OPHN1: variants seen among roughly 807,000 people sequenced by gnomAD.
The protein encoded by OPHN1 is oligophrenin 1, also known as oligophrenin-1.
A neutral mutation model predicts 60.7 loss-of-function variants in OPHN1; 11 were observed. That is an observed-to-expected ratio of 0.18 (90% CI 0.11 to 0.30). The LOEUF (loss-of-function observed/expected upper bound fraction) is 0.30. Among genes scored for constraint, OPHN1 ranks in the 10% least tolerant of loss-of-function variants. The pLI, the probability that OPHN1 is intolerant of heterozygous loss-of-function variation, is 1.00. For missense variants in OPHN1, 449 were observed against 611.0 expected, an observed-to-expected ratio of 0.73 and a Z score of 2.80; for synonymous variants, 226 against 222.6, an observed-to-expected ratio of 1.02 and a Z score of -0.14.
intron 15 of OPHN1, among the ~76,000 whole-genome samples, chrX:68,152,293 A>G (rs2077288287): frequency 9.1e-6 from 1 of 110,063 alleles, no homozygotes. Context: ...TTCTTTCCCA[A>G]ATTGACAAAG....
chrX:68,312,884 T>A (rs928586100), intron 2 of OPHN1, among the ~76,000 whole-genome samples: 4 of 111,112 alleles, frequency 3.6e-5, no homozygotes, highest in African/African-American at 1.3e-4. Context: ...GGCAGGAGGA[T>A]TACTTGAGTC....
chrX:68,199,336 T>C (rs1299211460), intron 11 of OPHN1, among the ~76,000 whole-genome samples: 2 of 110,093 alleles, frequency 1.8e-5, no homozygotes, highest in East Asian at 5.7e-4. Flanking sequence ...GTCCCATAGC[T>C]ATAAAAAATA....
intron 11 of OPHN1, among the ~76,000 whole-genome samples, chrX:68,199,797 A>G (rs2077527000): frequency 1.8e-5 from 2 of 113,046 alleles, no homozygotes; most frequent in African/African-American, 6.4e-5. Context: ...ATAGTGGCTC[A>G]CGCCTATAAT....
intron 5 of OPHN1, among the ~76,000 whole-genome samples, chrX:68,272,287 T>G (rs1470371723): frequency 9.0e-6 from 1 of 111,392 alleles, no homozygotes; most frequent in South Asian, 3.8e-4. Flanking sequence ...TGAAAAAAGA[T>G]AGATACATAT....
At chrX:68,358,128 TA>T (rs759439859) in intron 2 of OPHN1, among the ~76,000 whole-genome samples, 119 of 91,039 alleles carry the variant, frequency 1.3e-3, no homozygotes, top group South Asian at 9.6e-3. Flanking sequence ...CCATCTCTAC[TA>T]AAAAAAAAAA....
chrX:68,078,637 C>A (rs746215439), intron 19 of OPHN1, among the ~76,000 whole-genome samples: 2 of 110,729 alleles, frequency 1.8e-5, no homozygotes, highest in African/African-American at 3.3e-5. Flanking sequence ...CCATAGACAC[C>A]CTCCCTCACA....
intron 15 of OPHN1, among the ~76,000 whole-genome samples, chrX:68,190,491 T>A (rs1353698165): frequency 8.9e-6 from 1 of 112,164 alleles, no homozygotes. Flanking sequence ...ATCTAGAACT[T>A]CCTGGTCTAT....
intron 3 of OPHN1, among the ~76,000 whole-genome samples, chrX:68,290,619 G>A (rs749424885): frequency 0.012 from 1,301 of 107,150 alleles, 18 homozygotes; most frequent in African/African-American, 0.042. Flanking sequence ...GAAAGAAAGG[G>A]AAAAAAAAGC....
At chrX:68,379,811 G>A (rs1336100382) in intron 2 of OPHN1, among the ~76,000 whole-genome samples, 7 of 103,716 alleles carry the variant, frequency 6.7e-5, no homozygotes, top group Admixed American at 1.0e-4. Context: ...GCTTTTTGAT[G>A]TGCTGGATTC....
chrX:68,053,504 G>T, intron 22 of OPHN1, 141 bp downstream of exon 22: 1 of 605,745 alleles, frequency 1.7e-6, no homozygotes, highest in Non-Finnish European at 2.7e-6. Flanking sequence ...CAACAGGGCT[G>T]GCCTATGATA....
chrX:68,064,244 T>C (rs933186976), intron 20 of OPHN1, 67 bp from the exon 21 acceptor site: 3 of 1,040,143 alleles, frequency 2.9e-6, no homozygotes, highest in Non-Finnish European at 2.7e-6. Flanking sequence ...TTTTGATACA[T>C]GCATACATAC....
chrX:68,264,804 C>A (rs1161787252), intron 5 of OPHN1, among the ~76,000 whole-genome samples: 1 of 112,308 alleles, frequency 8.9e-6, no homozygotes, highest in Admixed American at 9.4e-5. Flanking sequence ...CAGACAGCCC[C>A]TGGAAAATCG....
intron 15 of OPHN1, among the ~76,000 whole-genome samples, chrX:68,145,415 C>G (rs2077259730): frequency 8.9e-6 from 1 of 111,739 alleles, no homozygotes; most frequent in Non-Finnish European, 1.9e-5. Flanking sequence ...CACGCATGAA[C>G]AGCAGAGGTT....
chrX:68,100,436 T>A (rs569500243), intron 18 of OPHN1, among the ~76,000 whole-genome samples: 40 of 111,758 alleles, frequency 3.6e-4, no homozygotes, highest in Admixed American at 3.0e-3. Flanking sequence ...CAAGACAAAC[T>A]GAAATATTTG....
chrX:68,363,239 T>C (rs1413599793), intron 2 of OPHN1, among the ~76,000 whole-genome samples: 2 of 110,299 alleles, frequency 1.8e-5, no homozygotes, highest in Non-Finnish European at 3.8e-5. Context: ...AGAGCAAGAC[T>C]CCATCTCAAA....
At chrX:68,068,036 G>T (rs775402313) in intron 20 of OPHN1, among the ~76,000 whole-genome samples, 2 of 111,569 alleles carry the variant, frequency 1.8e-5, no homozygotes, top group African/African-American at 3.3e-5. Flanking sequence ...TACCTACCTC[G>T]CATGGGAGTG....
chrX:68,308,415 AC>A (rs1387317306), intron 2 of OPHN1, among the ~76,000 whole-genome samples: 2 of 109,218 alleles, frequency 1.8e-5, no homozygotes, highest in African/African-American at 6.7e-5. Context: ...ACATGGTGAA[AC>A]CCCGTCTCTA....
intron 5 of OPHN1, among the ~76,000 whole-genome samples, chrX:68,248,599 C>T (rs774913369): frequency 8.9e-6 from 1 of 111,843 alleles, no homozygotes; most frequent in African/African-American, 3.2e-5. Context: ...GGGTACATAC[C>T]CCAAAGAAAG....
rs1569253408 is a variant in OPHN1, at chrX:68,234,593, AG to A, written c.385-6del. On this transcript the variant is annotated splice_polypyrimidine_tract_variant and splice_region_variant and intron_variant, in intron 5 of 24. Transcript: ENST00000355520. ...TTCAAATTTCTTTTTCCGCTCCTAAAGGTGGGAAAGAAGGGCAAAGATTAAA... is the reference window on the plus strand; with the variant it reads ...TTCAAATTTCTTTTTCCGCTCCTAAAGTGGGAAAGAAGGGCAAAGATTAAA... 8.7e-7 allele frequency: 1 copy of A among 1,152,386 alleles called. No homozygotes were observed. Among genetic ancestry groups the A allele is most frequent in the Admixed American group, 2.2e-5 (1 of 45,963 alleles). 95.0% of individuals were successfully genotyped at this position (1,152,386 alleles called of 1,213,427 possible).
Sources: gnomAD v4.1 joint callset for allele counts (sites outside exome capture counted in the v4.1 genomes callset) on GRCh38, gnomAD v4.1.1 for gene constraint, MANE v1.5 for transcripts, NCBI Gene and HGNC (gene_info 2026-07-23, HGNC 2026-07-21) for gene names.